Variants in RBFOX1 observed in about 807,000 individuals in gnomAD.
RBFOX1 encodes the protein RNA binding fox-1 homolog 1, also known as RNA binding protein fox-1 homolog 1.
A neutral mutation model predicts 57.7 loss-of-function variants in RBFOX1; 8 were observed. The observed-to-expected ratio is 0.14, with a 90% CI of 0.08 to 0.25. The LOEUF is 0.25. Ranked by LOEUF, RBFOX1 falls within the 10% of genes least tolerant of loss-of-function variation. The pLI is 1.00. For synonymous variants in RBFOX1, 326 were observed against 222.4 expected, an observed-to-expected ratio of 1.47 and a Z score of -4.15; for missense variants, 611 against 548.5, an observed-to-expected ratio of 1.11 and a Z score of -1.14.
At chr16:7,200,184 C>T (rs1453435725) in intron 4 of RBFOX1, among the ~76,000 whole-genome samples, 1 of 152,142 alleles carries the variant, frequency 6.6e-6, no homozygotes, top group Non-Finnish European at 1.5e-5. Flanking sequence ...ATGCAAAATC[C>T]TAGGAAGTAG....
At chr16:7,600,183 C>T (rs372517813) in intron 9 of RBFOX1, among the ~76,000 whole-genome samples, 1 of 152,138 alleles carries the variant, frequency 6.6e-6, no homozygotes, top group African/African-American at 2.4e-5. Context: ...CTGTCATCCA[C>T]GTACCTGCAA....
intron 1 of RBFOX1, among the ~76,000 whole-genome samples, chr16:5,320,906 G>C (rs76719856): frequency 0.015 from 2,349 of 152,316 alleles, 56 homozygotes; most frequent in African/African-American, 0.054. Context: ...TGTTGCCCCA[G>C]GGGCGGCCCT....
At chr16:6,726,603 A>G (rs930480469) in intron 3 of RBFOX1, among the ~76,000 whole-genome samples, 6 of 152,116 alleles carry the variant, frequency 3.9e-5, no homozygotes, top group Admixed American at 2.6e-4. Context: ...TTTCCTGGTC[A>G]TATTCTATCA....
intron 4 of RBFOX1, among the ~76,000 whole-genome samples, chr16:7,115,637 G>A (rs891020099): frequency 6.6e-6 from 1 of 152,190 alleles, no homozygotes; most frequent in South Asian, 2.1e-4. Flanking sequence ...AAAGTACATA[G>A]CTCCTCCAGA....
intron 3 of RBFOX1, among the ~76,000 whole-genome samples, chr16:6,857,770 C>A (rs1254435731): frequency 1.3e-5 from 2 of 152,138 alleles, no homozygotes; most frequent in African/African-American, 4.8e-5. Flanking sequence ...GAATTTTGTT[C>A]TGTCAGCACT....
intron 4 of RBFOX1, among the ~76,000 whole-genome samples, chr16:7,290,583 A>G (rs930905108): frequency 2.6e-5 from 4 of 152,236 alleles, no homozygotes; most frequent in African/African-American, 9.6e-5. Context: ...TGAAAATGGA[A>G]GAGGACTAAT....
At chr16:6,612,553 T>A (rs905537460) in intron 2 of RBFOX1, among the ~76,000 whole-genome samples, 1 of 152,052 alleles carries the variant, frequency 6.6e-6, no homozygotes, top group Admixed American at 6.6e-5. Flanking sequence ...TTCCCAGATG[T>A]TAAAAACATT....
chr16:6,296,420 GTA>G (rs2078110896), intron 1 of RBFOX1, among the ~76,000 whole-genome samples: 1 of 130,182 alleles, frequency 7.7e-6, no homozygotes, highest in African/African-American at 2.8e-5. Flanking sequence ...GGGAGGGGAT[GTA>G]CTTTTTTTTT....
intron 3 of RBFOX1, among the ~76,000 whole-genome samples, chr16:6,757,386 A>G (rs1021755368): frequency 2.1e-4 from 32 of 152,330 alleles, no homozygotes; most frequent in African/African-American, 7.5e-4. Flanking sequence ...AAAGATATAA[A>G]ATCAACCTAA....
intron 3 of RBFOX1, among the ~76,000 whole-genome samples, chr16:5,784,001 C>G (rs1323177095): frequency 1.3e-5 from 2 of 152,148 alleles, no homozygotes; most frequent in African/African-American, 2.4e-5. Flanking sequence ...TTACCTGAGA[C>G]TGGGTAATTT....
intron 1 of RBFOX1, among the ~76,000 whole-genome samples, chr16:5,301,913 AT>A (rs912903776): frequency 6.6e-6 from 1 of 152,030 alleles, no homozygotes; most frequent in Non-Finnish European, 1.5e-5. Flanking sequence ...GCTTTTGTTG[AT>A]TTTCCCTATT....
At chr16:5,807,277 T>A (rs1021942396) in intron 3 of RBFOX1, among the ~76,000 whole-genome samples, 1 of 152,168 alleles carries the variant, frequency 6.6e-6, no homozygotes, top group South Asian at 2.1e-4. Context: ...ATGAATTGCA[T>A]CTTCTTGTAT....
rs545162968 is a variant in RBFOX1, at chr16:7,364,185, C to T, written c.28-153962C>T. 5.9e-5 allele frequency among the ~76,000 whole-genome samples: 9 copies of T among 152,292 alleles called. No individual in the cohort carries two copies. In the South Asian group the frequency reaches 6.2e-4, roughly 11 times the overall value. On this transcript the variant is annotated intron_variant, in intron 4 of 15. Coordinates refer to ENST00000550418, the MANE Select transcript of RBFOX1 (RefSeq NM_018723.4). ...AACAGCTCAGCTTACGTCTGACGAGCTCTTGTCTGTTACATCAGTACCTTG... is the reference window on the plus strand; with the variant it reads ...AACAGCTCAGCTTACGTCTGACGAGTTCTTGTCTGTTACATCAGTACCTTG...
chr16:5,794,397 C>G lies in RBFOX1; in HGVS notation c.319-72906C>G, dbSNP rs534547396. 3.9e-5 allele frequency among the ~76,000 whole-genome samples: 6 copies of G among 152,134 alleles called. No homozygotes were observed. The South Asian group carries it at 1.2e-3, about 32-fold the overall frequency. On this transcript the variant is annotated intron_variant, in intron 3 of 19. Transcript: ENST00000641259. Reference sequence around the variant, plus strand: ...TCATTGCCTTCATCTCATTATGAGGCCAAATTCAATTATGTACCTGAAAGC... The same window carrying G: ...TCATTGCCTTCATCTCATTATGAGGGCAAATTCAATTATGTACCTGAAAGC...
At chr16:5,770,448 C>A (rs1567518556) in intron 3 of RBFOX1, among the ~76,000 whole-genome samples, 2 of 152,128 alleles carry the variant, frequency 1.3e-5, no homozygotes, top group Non-Finnish European at 2.9e-5. Flanking sequence ...TCAGGAAGCT[C>A]CCCACCCCTT....
intron 2 of RBFOX1, among the ~76,000 whole-genome samples, chr16:6,386,829 G>C (rs1287209872): frequency 1.3e-5 from 2 of 152,220 alleles, no homozygotes; most frequent in Non-Finnish European, 2.9e-5. Context: ...AGATGATCAA[G>C]GGGCCAGATA....
At chr16:5,785,499 A>C (rs1040099783) in intron 3 of RBFOX1, among the ~76,000 whole-genome samples, 1 of 151,362 alleles carries the variant, frequency 6.6e-6, no homozygotes, top group African/African-American at 2.4e-5. Context: ...GGTGTCTTCA[A>C]TTTCTTTTCT....
chr16:6,628,137 T>A (rs2098334814), intron 2 of RBFOX1, among the ~76,000 whole-genome samples: 1 of 152,228 alleles, frequency 6.6e-6, no homozygotes, highest in South Asian at 2.1e-4. Context: ...GATGTCTCTG[T>A]GATACTGGTA....
intron 4 of RBFOX1, among the ~76,000 whole-genome samples, chr16:5,895,225 G>C (rs1450847713): frequency 6.6e-6 from 1 of 152,194 alleles, no homozygotes. Context: ...TCTTAACTTA[G>C]TTGAGGCAGT....
Sources: allele counts gnomAD v4.1 joint callset (sites outside exome capture counted in the v4.1 genomes callset), GRCh38; gene constraint gnomAD v4.1.1; transcripts MANE v1.5; gene names NCBI Gene and HGNC (gene_info 2026-07-23, HGNC 2026-07-21).